CEP290: variants seen among roughly 807,000 people sequenced by gnomAD.
The protein encoded by CEP290 is centrosomal protein 290.
A neutral mutation model predicts 344.9 loss-of-function variants in CEP290; 317 were observed. That is an observed-to-expected ratio of 0.92 (90% confidence interval 0.84 to 1.01). The LOEUF is 1.01. Ranked by LOEUF, CEP290 falls within the 50% of genes least tolerant of loss-of-function variation. CEP290 has a pLI of 0.00. For synonymous variants in CEP290, 932 were observed against 895.8 expected (o/e 1.04, Z -0.72); for missense variants, 2,754 against 2,761.4 (o/e 1.00, Z 0.06).
intron 41 of CEP290, among the ~76,000 whole-genome samples, chr12:88,072,446 T>C (rs1439195533): frequency 6.6e-6 from 1 of 152,178 alleles, no homozygotes; most frequent in Non-Finnish European, 1.5e-5. Context: ...TCTTTGGGCA[T>C]GCCGAGCTAT....
intron 25 of CEP290, among the ~76,000 whole-genome samples, chr12:88,104,814 G>A (rs1336778532): frequency 6.6e-6 from 1 of 151,896 alleles, no homozygotes; most frequent in Non-Finnish European, 1.5e-5. Context: ...TCAAATTATT[G>A]TATGTATATT....
At chr12:88,055,447 G>A (rs2033918730) in intron 50 of CEP290, 129 bp downstream of exon 50, 3 of 695,624 alleles carry the variant, frequency 4.3e-6, no homozygotes, top group Admixed American at 4.2e-5. Context: ...GCAAATGGGT[G>A]AATGGGGTGC....
At position 88,115,081 on chromosome 12, in the gene CEP290, A is replaced by C. The variant is rs754581115; in HGVS notation, c.1909+17T>G. 7.8e-7 allele frequency: 1 copy of C among 1,284,760 alleles called. No individual in the cohort carries two copies. The highest frequency in any genetic ancestry group is 2.4e-5 in the East Asian group (1 of 42,130). 79.6% of individuals were successfully genotyped at this position (1,284,760 alleles called of 1,614,324 possible). ...GGAAAAATAAGAACAGAAAAGTAAA[A>C]GATAATTGTAACTTACATTTATTCT... On this transcript the variant is annotated intron_variant, in intron 19 of 53. Transcript: ENST00000552810.
chr12:88,139,963 C>A (rs1170146367), intron 3 of CEP290, among the ~76,000 whole-genome samples: 1 of 152,116 alleles, frequency 6.6e-6, no homozygotes, highest in Admixed American at 6.5e-5. Flanking sequence ...ACTATATTAT[C>A]CAGGCTAGTC....
At chr12:88,061,939 C>T (rs928713679) in intron 46 of CEP290, among the ~76,000 whole-genome samples, 1 of 152,014 alleles carries the variant, frequency 6.6e-6, no homozygotes, top group African/African-American at 2.4e-5. Context: ...CCACCATGCC[C>T]AGCTAATTTT....
intron 51 of CEP290, 83 bp from the exon 52 acceptor site, chr12:88,053,829 T>G (rs547853229): frequency 1.2e-5 from 8 of 675,394 alleles, no homozygotes; most frequent in Non-Finnish European, 2.0e-5. Flanking sequence ...GAACTAGTGA[T>G]GTACAGTAAT....
chr12:88,092,411 T>C (rs572669052), intron 29 of CEP290, among the ~76,000 whole-genome samples: 1 of 152,216 alleles, frequency 6.6e-6, no homozygotes, highest in Admixed American at 6.5e-5. Context: ...AAAATCAATA[T>C]GTGGAGGAAC....
chr12:88,104,468 C>CAG (rs2038126583), intron 25 of CEP290, among the ~76,000 whole-genome samples: 1 of 151,782 alleles, frequency 6.6e-6, no homozygotes, highest in African/African-American at 2.4e-5. Context: ...AAGTTACCTA[C>CAG]AGAGGGTGGA....
chr12:88,117,015 G>A lies in CEP290; in HGVS notation c.1824+18C>T. The A allele has an allele frequency of 9.6e-7, 1 of 1,047,014 alleles. No individual in the cohort carries two copies. Among genetic ancestry groups the A allele is most frequent in the Non-Finnish European group, 1.4e-6 (1 of 707,216 alleles). 64.9% of individuals were successfully genotyped at this position (1,047,014 alleles called of 1,614,324 possible). A position where few individuals can be genotyped will look rare whatever the true frequency, so the allele number is the denominator to read the frequency against. On this transcript the variant is annotated intron_variant, in intron 18 of 53. Transcript: ENST00000552810. Reference sequence around the variant, plus strand: ...AAAAATATTTTCCTTTACTCTCTTTGCAATACTTTACTATTACCTTTGATT... The same window carrying A: ...AAAAATATTTTCCTTTACTCTCTTTACAATACTTTACTATTACCTTTGATT...
chr12:88,102,379 G>A (rs1030091213), intron 26 of CEP290, among the ~76,000 whole-genome samples: 2 of 152,170 alleles, frequency 1.3e-5, no homozygotes, highest in African/African-American at 4.8e-5. Context: ...TTCAGCTACT[G>A]TTGGCTACAT....
intron 20 of CEP290, 33 bp downstream of exon 20, chr12:88,114,387 G>A: frequency 6.6e-7 from 1 of 1,507,772 alleles, no homozygotes; most frequent in African/African-American, 1.4e-5. Context: ...AAAGTGATAG[G>A]GGAAAAACAT....
intron 7 of CEP290, 107 bp from the exon 8 acceptor site, chr12:88,130,672 G>A: frequency 2.4e-6 from 2 of 831,198 alleles, no homozygotes; most frequent in Non-Finnish European, 1.8e-6. Flanking sequence ...GGAAAATGAT[G>A]CATATTATCT....
chr12:88,064,881 C>G (rs1167278909), intron 44 of CEP290, among the ~76,000 whole-genome samples: 1 of 152,090 alleles, frequency 6.6e-6, no homozygotes, highest in African/African-American at 2.4e-5. Flanking sequence ...AATGAATACA[C>G]TAGGCTACAA....
In CEP290 at chr12:88,130,561, T is replaced by C. The variant is rs768916610; in HGVS notation, c.500A>G (p.Lys167Arg). 6.3e-7 allele frequency: 1 copy of C among 1,586,592 alleles called. No individual in the cohort carries two copies. Among genetic ancestry groups the C allele is most frequent in the African/African-American group, 1.3e-5 (1 of 74,148 alleles). ...NENSKLRREN[K>R]RLKKKNEQLC... ...AAGCCTCACCTTTTTCTTTAGACGTTTGTTCTACAGAAAAGGACAGGAAAA... is the reference window on the plus strand; with the variant it reads ...AAGCCTCACCTTTTTCTTTAGACGTCTGTTCTACAGAAAAGGACAGGAAAA... The change falls in exon 8 of 54, where the codon AAA becomes AGA. Residue 167 changes from lysine (K) to arginine (R), a missense_variant. Coordinates refer to ENST00000552810, the MANE Select transcript of CEP290 (RefSeq NM_025114.4).
chr12:88,107,124 C>A, intron 23 of CEP290, 26 bp from the exon 24 acceptor site: 1 of 1,326,696 alleles, frequency 7.5e-7, no homozygotes, highest in Non-Finnish European at 1.0e-6. Flanking sequence ...AACAAAAAGA[C>A]AATACTGTAA....
chr12:88,109,669 G>A (rs536898325), intron 22 of CEP290, among the ~76,000 whole-genome samples: 1 of 152,232 alleles, frequency 6.6e-6, no homozygotes, highest in South Asian at 2.1e-4. Flanking sequence ...TCCAACATTT[G>A]AGTTTGGGTC....
chr12:88,134,840 A>G (rs371331107), intron 6 of CEP290, among the ~76,000 whole-genome samples: 1 of 152,212 alleles, frequency 6.6e-6, no homozygotes, highest in African/African-American at 2.4e-5. Flanking sequence ...TAAATACTCC[A>G]TAACATCTCT....
chr12:88,140,944 C>T lies in CEP290; in HGVS notation c.180+12G>A. 6.4e-7 allele frequency: 1 copy of T among 1,561,310 alleles called. No individual in the cohort carries two copies. Among genetic ancestry groups the T allele is most frequent in the Admixed American group, 2.0e-5 (1 of 50,786 alleles). ...TAGCCAAACCTATAGTTAAAACCTA[C>T]TACATACAAACCTTCATTAGTGACT... On this transcript the variant is annotated intron_variant, in intron 3 of 53. Coordinates refer to ENST00000552810, the MANE Select transcript of CEP290 (RefSeq NM_025114.4).
intron 37 of CEP290, among the ~76,000 whole-genome samples, chr12:88,080,653 G>A (rs1196739532): frequency 2.0e-5 from 3 of 152,008 alleles, no homozygotes; most frequent in Non-Finnish European, 2.9e-5. Context: ...CAGTTTGAAC[G>A]CATGACCTCA....
Sources: allele counts gnomAD v4.1 joint callset (sites outside exome capture counted in the v4.1 genomes callset), GRCh38; gene constraint gnomAD v4.1.1; transcripts MANE v1.5; gene names NCBI Gene and HGNC (gene_info 2026-07-23, HGNC 2026-07-21).